Variants in SLC22A23 observed in about 807,000 individuals in gnomAD.
The protein encoded by SLC22A23 is solute carrier family 22 member 23.
In SLC22A23, 26 loss-of-function variants were observed where a neutral mutation model predicts 61.0. The observed-to-expected ratio is 0.43, with a 90% CI of 0.31 to 0.59. The LOEUF is 0.59. Among genes scored for constraint, SLC22A23 ranks in the 20% least tolerant of loss-of-function variants. SLC22A23 has a pLI of 0.11. For synonymous variants in SLC22A23, 430 were observed against 413.9 expected (o/e 1.04, Z -0.47); for missense variants, 796 against 934.7 (o/e 0.85, Z 1.94).
chr6:3,322,599 T>C lies in SLC22A23; in HGVS notation c.1082+1235A>G, dbSNP rs1242912711. ...CTCTGGCAGGTGGCCTTTTCCCATC[T>C]GCTATTGCTGGCCCCCTGCTGCTGC... On this transcript the variant is annotated intron_variant, in intron 4 of 9. Transcript: ENST00000406686. The surrounding 1 kb of genome is among the most constrained non-coding windows in gnomAD (Gnocchi z 4.1). Among the ~76,000 whole-genome samples the C allele has an allele frequency of 6.6e-6, 1 of 152,188 alleles. No individual in the cohort carries two copies. Among genetic ancestry groups the C allele is most frequent in the Non-Finnish European group, 1.5e-5 (1 of 68,026 alleles).
At chr6:3,321,726 G>A (rs1248316123) in intron 4 of SLC22A23, among the ~76,000 whole-genome samples, 1 of 152,176 alleles carries the variant, frequency 6.6e-6, no homozygotes, top group East Asian at 1.9e-4. Context: ...CCTGGGGTGA[G>A]GGAAACAACC....
intron 3 of SLC22A23, among the ~76,000 whole-genome samples, chr6:3,335,117 A>G (rs908523275): frequency 6.6e-6 from 1 of 152,232 alleles, no homozygotes; most frequent in Non-Finnish European, 1.5e-5. Context: ...TCTAGTCAAC[A>G]TAATGGCACC....
intron 3 of SLC22A23, among the ~76,000 whole-genome samples, chr6:3,332,727 G>T (rs1763646287): frequency 6.6e-6 from 1 of 151,674 alleles, no homozygotes; most frequent in Non-Finnish European, 1.5e-5. Context: ...TCAATATCTA[G>T]TCTGTGTCCA....
intron 3 of SLC22A23, among the ~76,000 whole-genome samples, chr6:3,337,447 T>C (rs796455093): frequency 2.9e-4 from 30 of 103,560 alleles, no homozygotes; most frequent in East Asian, 2.1e-3. Flanking sequence ...TACAATTCCC[T>C]TTTTTTTTTT....
intron 1 of SLC22A23, among the ~76,000 whole-genome samples, chr6:3,452,613 A>T (rs1330010762): frequency 0.023 from 447 of 19,406 alleles, 20 homozygotes; most frequent in East Asian, 0.054. Context: ...AAAAAAAAAA[A>T]AAAAAAAAAA....
chr6:3,336,560 A>G (rs1192218368), intron 3 of SLC22A23, among the ~76,000 whole-genome samples: 2 of 152,142 alleles, frequency 1.3e-5, no homozygotes, highest in Non-Finnish European at 2.9e-5. Flanking sequence ...CTGGCAAGCC[A>G]GGTGGCTGCA....
In SLC22A23 at chr6:3,309,468, C is replaced by A. The variant is rs1323108725; in HGVS notation, c.1083-11250G>T. Among the ~76,000 whole-genome samples the A allele has an allele frequency of 1.3e-5, 2 of 152,178 alleles. No homozygotes were observed. Among genetic ancestry groups the A allele is most frequent in the Non-Finnish European group, 2.9e-5 (2 of 68,034 alleles). On this transcript the variant is annotated intron_variant, in intron 4 of 9. Coordinates refer to ENST00000406686, the MANE Select transcript of SLC22A23 (RefSeq NM_015482.2). This position sits in a 1 kb window ranked among gnomAD's most constrained non-coding sequence, Gnocchi z 4.7. Reference sequence around the variant, plus strand: ...GAATCCTAGCTGAGAAAGCCCCAGGCCACTAACGCTGGGCAGAGGCCTCAG... The same window carrying A: ...GAATCCTAGCTGAGAAAGCCCCAGGACACTAACGCTGGGCAGAGGCCTCAG...
intron 3 of SLC22A23, among the ~76,000 whole-genome samples, chr6:3,406,006 T>G (rs1165237892): frequency 8.1e-6 from 1 of 124,134 alleles, no homozygotes; most frequent in African/African-American, 2.7e-5. Context: ...TAAGAACATC[T>G]TTGAGAGACT....
At chr6:3,279,536 A>AAAAAAAAAAAAG in intron 9 of SLC22A23, among the ~76,000 whole-genome samples, 1 of 147,026 alleles carries the variant, frequency 6.8e-6, no homozygotes, top group South Asian at 2.1e-4. Flanking sequence ...AAAAAAAAAA[A>AAAAAAAAAAAAG]TCCTTGACAT....
intron 1 of SLC22A23, among the ~76,000 whole-genome samples, chr6:3,416,412 T>C (rs936907365): frequency 1.3e-5 from 2 of 152,296 alleles, no homozygotes; most frequent in Non-Finnish European, 2.9e-5. Context: ...CATTCTATTT[T>C]GCCCTTGGAA....
chr6:3,345,944 G>A (rs1246537867), intron 3 of SLC22A23, among the ~76,000 whole-genome samples: 6 of 152,078 alleles, frequency 3.9e-5, no homozygotes, highest in East Asian at 1.9e-4. Context: ...CCCGTTCTCC[G>A]AGAGTGTTGG....
rs1316278669 is a variant in SLC22A23 at position 3,318,160 on chromosome 6, C to T, written c.1082+5674G>A. On this transcript the variant is annotated intron_variant, in intron 4 of 9. Transcript: ENST00000406686. The surrounding 1 kb of genome is among the most constrained non-coding windows in gnomAD (Gnocchi z 4.3). Reference sequence around the variant, plus strand: ...TTCATTCCAGAACTCTGCAACCCTGCGGCTGCTGCCTATTAACCAAGCCTT... The same window carrying T: ...TTCATTCCAGAACTCTGCAACCCTGTGGCTGCTGCCTATTAACCAAGCCTT... Among the ~76,000 whole-genome samples, 1 of 152,184 alleles carries T rather than the reference C, an allele frequency of 6.6e-6. No homozygotes were observed. Among genetic ancestry groups the T allele is most frequent in the Admixed American group, 6.5e-5 (1 of 15,286 alleles).
intron 1 of SLC22A23, among the ~76,000 whole-genome samples, chr6:3,452,395 C>A (rs1772192447): frequency 6.6e-6 from 1 of 151,906 alleles, no homozygotes; most frequent in African/African-American, 2.4e-5. Flanking sequence ...GAGTTCAACA[C>A]CAGCCTGGGC....
At chr6:3,417,578 C>T (rs1173419101) in intron 1 of SLC22A23, among the ~76,000 whole-genome samples, 1 of 152,314 alleles carries the variant, frequency 6.6e-6, no homozygotes, top group East Asian at 1.9e-4. Context: ...AGCATCAGCA[C>T]CACCTGGGGA....
intron 1 of SLC22A23, chr6:3,439,297 C>T (rs773387484): frequency 4.5e-6 from 2 of 448,656 alleles, no homozygotes; most frequent in Non-Finnish European, 8.9e-6. Flanking sequence ...AAAATCATAC[C>T]CCGTGGAAAG....
At position 3,312,971 on chromosome 6, in the gene SLC22A23, T is replaced by C. The variant is rs1472679951; in HGVS notation, c.1082+10863A>G. On this transcript the variant is annotated intron_variant, in intron 4 of 9. Coordinates refer to ENST00000406686, the MANE Select transcript of SLC22A23 (RefSeq NM_015482.2). ...GGGAGCAGGGTGGTGAGATGGACTC[T>C]TGGGGCACATCTTAGCATGAGGACA... The C allele has an allele frequency of 3.9e-5, 6 of 152,168 alleles. No homozygotes were observed. In the South Asian group the frequency reaches 6.2e-4, roughly 16 times the overall value. 9.4% of individuals were successfully genotyped at this position (152,168 alleles called of 1,614,324 possible). A position where few individuals can be genotyped will look rare whatever the true frequency, so the allele number is the denominator to read the frequency against.
intron 3 of SLC22A23, among the ~76,000 whole-genome samples, chr6:3,348,060 C>T (rs1038689055): frequency 6.6e-6 from 1 of 152,232 alleles, no homozygotes; most frequent in Non-Finnish European, 1.5e-5. Flanking sequence ...CTTCATGGCA[C>T]CTGTCCCAGC....
chr6:3,357,181 G>A (rs1364977477), intron 3 of SLC22A23, among the ~76,000 whole-genome samples: 1 of 151,226 alleles, frequency 6.6e-6, no homozygotes, highest in Admixed American at 6.6e-5. Context: ...GGATTCCAAT[G>A]CCATGGAAAT....
At chr6:3,298,514 T>C (rs974316002) in intron 4 of SLC22A23, among the ~76,000 whole-genome samples, 1 of 151,674 alleles carries the variant, frequency 6.6e-6, no homozygotes, top group African/African-American at 2.4e-5. Context: ...GAACAGAGGA[T>C]ACTAGAGGCT....
Sources: gnomAD v4.1 joint callset for allele counts (sites outside exome capture counted in the v4.1 genomes callset) on GRCh38, gnomAD v4.1.1 for gene constraint, Gnocchi (gnomAD v3.1) non-coding constraint, MANE v1.5 for transcripts, NCBI Gene and HGNC (gene_info 2026-07-23, HGNC 2026-07-21) for gene names.